Variants in PDSS2 observed in about 807,000 individuals in gnomAD.
PDSS2 encodes all trans-polyprenyl-diphosphate synthase PDSS2.
A neutral mutation model predicts 44.5 loss-of-function variants in PDSS2; 31 were observed. That is an observed-to-expected ratio of 0.70 (90% CI 0.52 to 0.94). The LOEUF is 0.94. PDSS2 is among the 40% of genes least tolerant of loss of function. PDSS2 has a pLI of 0.00. For synonymous variants in PDSS2, 157 were observed against 180.3 expected (o/e 0.87, Z 1.03); for missense variants, 452 against 482.2 (o/e 0.94, Z 0.59).
At chr6:107,283,825 G>C (rs1776051617) in intron 2 of PDSS2, among the ~76,000 whole-genome samples, 1 of 152,084 alleles carries the variant, frequency 6.6e-6, no homozygotes, top group Middle Eastern at 3.4e-3. Context: ...CTGAGGTCAG[G>C]AGTTTGAGAC....
intron 1 of PDSS2, among the ~76,000 whole-genome samples, chr6:107,395,547 A>C (rs1034712953): frequency 2.6e-5 from 4 of 152,096 alleles, no homozygotes; most frequent in Admixed American, 1.3e-4. Flanking sequence ...CTTGTCTGTA[A>C]TTTATATAAG....
At position 107,154,447 on chromosome 6, in the gene PDSS2, A is replaced by G; in HGVS notation, c.*172T>C. The G allele has an allele frequency of 1.6e-6, 1 of 637,706 alleles. No homozygotes were observed. Among genetic ancestry groups the G allele is most frequent in the South Asian group, 1.9e-5 (1 of 52,822 alleles). The allele number at this position is 637,706 out of a possible 1,614,324, so 39.5% of individuals were successfully genotyped here. On this transcript the variant is annotated 3_prime_UTR_variant, in exon 8 of 8. Transcript: ENST00000369037. ...AACTGCTTGACCTTTTTTTCTTCTA[A>G]TTTTGTTTGTAGCAGTTCCAAAAAG...
chr6:107,426,084 T>G (rs1780993549), intron 1 of PDSS2, among the ~76,000 whole-genome samples: 1 of 152,138 alleles, frequency 6.6e-6, no homozygotes, highest in African/African-American at 2.4e-5. Context: ...CCAGGACATG[T>G]CAGAGACCTT....
At chr6:107,215,266 C>G (rs147397545) in intron 4 of PDSS2, among the ~76,000 whole-genome samples, 6 of 152,176 alleles carry the variant, frequency 3.9e-5, no homozygotes, top group Admixed American at 3.9e-4. Flanking sequence ...GTGGCTCACA[C>G]CTGTAATCGT....
At chr6:107,415,887 G>A (rs571983546) in intron 1 of PDSS2, among the ~76,000 whole-genome samples, 5 of 152,158 alleles carry the variant, frequency 3.3e-5, no homozygotes, top group Non-Finnish European at 7.4e-5. Flanking sequence ...CCCAGGTATC[G>A]ATTCTCTGCA....
intron 7 of PDSS2, among the ~76,000 whole-genome samples, chr6:107,158,889 C>A (rs1204881524): frequency 6.6e-6 from 1 of 151,934 alleles, no homozygotes; most frequent in Non-Finnish European, 1.5e-5. Context: ...CCGCCACACC[C>A]AGTCAATTTT....
intron 7 of PDSS2, among the ~76,000 whole-genome samples, chr6:107,162,824 C>T (rs1156273098): frequency 1.3e-5 from 2 of 151,976 alleles, no homozygotes; most frequent in African/African-American, 2.4e-5. Context: ...AGGATGGTCT[C>T]GAACTCTTGA....
chr6:107,379,619 T>C (rs1779395494), intron 1 of PDSS2, among the ~76,000 whole-genome samples: 1 of 152,234 alleles, frequency 6.6e-6, no homozygotes, highest in East Asian at 1.9e-4. Flanking sequence ...TTGTTATCTT[T>C]ATTTTGAATT....
intron 6 of PDSS2, among the ~76,000 whole-genome samples, chr6:107,209,739 G>A (rs1296006546): frequency 1.3e-5 from 2 of 151,942 alleles, no homozygotes; most frequent in Admixed American, 1.3e-4. Flanking sequence ...TTTAAGGATG[G>A]TGGCTACCCC....
intron 1 of PDSS2, among the ~76,000 whole-genome samples, chr6:107,364,208 G>A (rs1217888373): frequency 1.3e-5 from 2 of 152,246 alleles, no homozygotes; most frequent in Non-Finnish European, 2.9e-5. Context: ...TGGGGCTGCA[G>A]GTGGAGCTGC....
At chr6:107,212,010 T>C (rs1773233387) in intron 5 of PDSS2, 99 bp downstream of exon 5, 1 of 1,004,028 alleles carries the variant, frequency 1.0e-6, no homozygotes, top group Admixed American at 1.7e-5. Context: ...CAATAAGCAT[T>C]TTTGAAATAT....
At chr6:107,322,353 A>G (rs1312661993) in intron 2 of PDSS2, among the ~76,000 whole-genome samples, 1 of 151,724 alleles carries the variant, frequency 6.6e-6, no homozygotes, top group Admixed American at 6.6e-5. Context: ...TCCCGTTTCC[A>G]CTAAAAATAC....
intron 1 of PDSS2, among the ~76,000 whole-genome samples, chr6:107,434,677 T>C (rs573926129): frequency 6.6e-6 from 1 of 152,242 alleles, no homozygotes; most frequent in African/African-American, 2.4e-5. Context: ...AATCTAGTAT[T>C]TGATAGCACA....
rs1554244666 is a variant in PDSS2 at position 107,152,677 on chromosome 6, A to C, written c.*1942T>G. 6.6e-6 allele frequency: 1 copy of C among 152,128 alleles called. No homozygotes were observed. Among genetic ancestry groups the C allele is most frequent in the Non-Finnish European group, 1.5e-5 (1 of 68,038 alleles). The allele number at this position is 152,128 out of a possible 1,614,324, so 9.4% of individuals were successfully genotyped here. A position where few individuals can be genotyped will look rare whatever the true frequency, so the allele number is the denominator to read the frequency against. ...AGGCTCAGAAGGAAGTGACTTGTGC[A>C]AGGTCATACAGCAAACCAGATGCTA... On this transcript the variant is annotated 3_prime_UTR_variant, in exon 8 of 8. Transcript: ENST00000369037.
intron 7 of PDSS2, among the ~76,000 whole-genome samples, chr6:107,170,590 C>T (rs897521831): frequency 4.8e-5 from 7 of 144,568 alleles, no homozygotes; most frequent in African/African-American, 1.3e-4. Flanking sequence ...TGTTCTTATT[C>T]GGCCATCTTG....
At chr6:107,397,261 T>C (rs1275757627) in intron 1 of PDSS2, among the ~76,000 whole-genome samples, 5 of 152,132 alleles carry the variant, frequency 3.3e-5, no homozygotes, top group Non-Finnish European at 2.9e-5. Context: ...TATTTGCTCT[T>C]CTGTGTTGAC....
intron 1 of PDSS2, among the ~76,000 whole-genome samples, chr6:107,386,420 TTAAG>T (rs1418212713): frequency 6.6e-6 from 1 of 152,046 alleles, no homozygotes; most frequent in East Asian, 1.9e-4. Context: ...GATCCTATAT[TTAAG>T]TGTTATCTGA....
At chr6:107,456,780 C>A (rs761821251) in intron 1 of PDSS2, among the ~76,000 whole-genome samples, 1 of 152,120 alleles carries the variant, frequency 6.6e-6, no homozygotes, top group Non-Finnish European at 1.5e-5. Flanking sequence ...TGGGCTCAAG[C>A]AATCTTTCTA....
chr6:107,444,830 C>T (rs1228663212), intron 1 of PDSS2, among the ~76,000 whole-genome samples: 4 of 151,976 alleles, frequency 2.6e-5, no homozygotes, highest in South Asian at 2.1e-4. Context: ...ATCAACACAC[C>T]CTAAGAGAAG....
Sources: gnomAD v4.1 joint callset for allele counts (sites outside exome capture counted in the v4.1 genomes callset) on GRCh38, gnomAD v4.1.1 for gene constraint, MANE v1.5 for transcripts, NCBI Gene and HGNC (gene_info 2026-07-23, HGNC 2026-07-21) for gene names.